The following NR5A1 variants were observed in gnomAD, a reference collection of about 807,000 sequenced individuals.
NR5A1 encodes steroidogenic factor 1.
Under a neutral mutation model 42.7 loss-of-function variants are expected in NR5A1, and 6 were observed. The ratio of observed to expected loss-of-function variants is 0.14; its 90% CI spans 0.08 to 0.28. The LOEUF (loss-of-function observed/expected upper bound fraction) is 0.28. NR5A1 is among the 10% of genes least tolerant of loss of function. The pLI is 1.00. For synonymous variants in NR5A1, 274 were observed against 277.5 expected (o/e 0.99, Z 0.12); for missense variants, 442 against 626.4 (o/e 0.71, Z 3.14).
At position 124,493,015 on chromosome 9, in the gene NR5A1, C is replaced by CG; in HGVS notation, c.990+14dup. On this transcript the variant is annotated intron_variant, in intron 5 of 6. Coordinates refer to ENST00000373588, the MANE Select transcript of NR5A1 (RefSeq NM_004959.5). The stretch of plus-strand genomic sequence containing the variant: ...CCAGGGCGGGGCCCAGGGGCGGGGC[C>CG]GAGGGACTGGTCACCTCCTGCCCGG... 1 of 1,576,474 alleles carries CG rather than the reference C, an allele frequency of 6.3e-7. No individual in the cohort carries two copies.
In NR5A1 at chr9:124,497,791, C is replaced by A. The variant is rs922699276; in HGVS notation, c.870+2299G>T. Among the ~76,000 whole-genome samples, 26 of 152,234 alleles carry A rather than the reference C, an allele frequency of 1.7e-4. 1 individual carries two copies. Among genetic ancestry groups the A allele is most frequent in the Admixed American group, 1.7e-3 (26 of 15,290 alleles). On this transcript the variant is annotated intron_variant, in intron 4 of 6. Transcript: ENST00000373588. ...CCATTGGAACTCCCGGAACACGATG[C>A]CTCTTCACATTTCGGGACCTTCGCC...
At position 124,500,490 on chromosome 9, in the gene NR5A1, G is replaced by A. The variant is rs1324068281; in HGVS notation, c.470C>T (p.Pro157Leu). 1.2e-5 allele frequency: 20 copies of A among 1,603,212 alleles called. No homozygotes were observed. The highest frequency in any genetic ancestry group is 1.7e-5 in the Non-Finnish European group (20 of 1,177,016). ...CCCAAAGTCGCCCAGTGGCCCAGCAGGTGGACCGGCGGCCAGGCCCTTGGG... is the reference window on the plus strand; with the variant it reads ...CCCAAAGTCGCCCAGTGGCCCAGCAAGTGGACCGGCGGCCAGGCCCTTGGG... ...PEPKGLAAGP[P>L]AGPLGDFGAP... The change falls in exon 4 of 7, where the codon CCT becomes CTT. Residue 157 changes from proline (P) to leucine (L), a missense_variant. Coordinates refer to ENST00000373588, the MANE Select transcript of NR5A1 (RefSeq NM_004959.5). This position sits in a 1 kb window ranked among gnomAD's most constrained non-coding sequence, Gnocchi z 6.9.
rs780568525 is a variant in NR5A1 at position 124,500,248 on chromosome 9, C to T, written c.712G>A (p.Asp238Asn). 58 of 1,600,098 alleles carry T rather than the reference C, an allele frequency of 3.6e-5. No homozygotes were observed. The Middle Eastern group carries it at 1.2e-3, about 32-fold the overall frequency. ...LQLLQLEPDE[D>N]QVRARILGCL... The stretch of plus-strand genomic sequence containing the variant: ...CCCAAGATGCGGGCCCGCACCTGGT[C>T]CTCATCCGGCTCCAGCTGCAGCAGC... Residue 238 changes from aspartate to asparagine, a missense_variant, in exon 4 of 7, where the codon GAC becomes AAC. Transcript: ENST00000373588. This position sits in a 1 kb window ranked among gnomAD's most constrained non-coding sequence, Gnocchi z 6.9.
intron 6 of NR5A1, among the ~76,000 whole-genome samples, chr9:124,489,486 A>G (rs1832270296): frequency 1.3e-5 from 2 of 152,222 alleles, no homozygotes; most frequent in African/African-American, 4.8e-5. Flanking sequence ...CATCGTTTGC[A>G]CATGCCAGCA....
At chr9:124,484,514 G>C (rs1009513532) in intron 6 of NR5A1, among the ~76,000 whole-genome samples, 17 of 152,314 alleles carry the variant, frequency 1.1e-4, no homozygotes, top group South Asian at 4.1e-4. Context: ...AGTTTGGGAG[G>C]CCAAGGTAGG....
intron 6 of NR5A1, among the ~76,000 whole-genome samples, chr9:124,488,700 G>C (rs1832259361): frequency 6.6e-6 from 1 of 152,196 alleles, no homozygotes; most frequent in Admixed American, 6.5e-5. Flanking sequence ...TTACTAGGAG[G>C]GTCACTCTAC....
intron 4 of NR5A1, among the ~76,000 whole-genome samples, 200 bp downstream of exon 4, chr9:124,499,890 A>G (rs920099459): frequency 6.6e-6 from 1 of 152,062 alleles, no homozygotes; most frequent in Non-Finnish European, 1.5e-5. Flanking sequence ...AGGAGGAGAG[A>G]AGGAGAGGGA....
In NR5A1 at chr9:124,482,401, G is replaced by A. The variant is rs1056208474; in HGVS notation, c.*357C>T. 7 of 365,964 alleles carry A rather than the reference G, an allele frequency of 1.9e-5. No homozygotes were observed. The highest frequency in any genetic ancestry group is 4.2e-5 in the African/African-American group (2 of 47,480). 22.7% of individuals were successfully genotyped at this position (365,964 alleles called of 1,614,324 possible). A position where few individuals can be genotyped will look rare whatever the true frequency, so the allele number is the denominator to read the frequency against. On this transcript the variant is annotated 3_prime_UTR_variant, in exon 7 of 7. Transcript: ENST00000373588. ...GATGACCTCTGATCCAAGGGACGTC[G>A]AGGCCCACCAGGGAATCCCGAACCT...
intron 6 of NR5A1, among the ~76,000 whole-genome samples, chr9:124,490,664 C>T (rs1832294050): frequency 6.6e-6 from 1 of 152,102 alleles, no homozygotes; most frequent in African/African-American, 2.4e-5. Flanking sequence ...TTTTTGCTCA[C>T]AGCGGTATTC....
chr9:124,490,966 G>A lies in NR5A1; in HGVS notation c.1138+115C>T, dbSNP rs141764989. The A allele has an allele frequency of 2.2e-4, 290 of 1,347,948 alleles. No homozygotes were observed. In the African/African-American group the frequency reaches 3.4e-3, roughly 16 times the overall value. The allele number at this position is 1,347,948 out of a possible 1,614,324, so 83.5% of individuals were successfully genotyped here. ...AGTAAGGGAGGGGTCCTTTCTCCCC[G>A]AGGCTCCTTCGTGGCCACTCTGGCC... On this transcript the variant is annotated intron_variant, in intron 6 of 6. Transcript: ENST00000373588.
intron 6 of NR5A1, among the ~76,000 whole-genome samples, chr9:124,487,936 G>A (rs1832245133): frequency 6.6e-6 from 1 of 152,174 alleles, no homozygotes; most frequent in Non-Finnish European, 1.5e-5. Flanking sequence ...TTGATAAAAT[G>A]CGAATTTCAT....
intron 6 of NR5A1, among the ~76,000 whole-genome samples, chr9:124,487,642 G>C (rs1457071621): frequency 6.6e-6 from 1 of 152,260 alleles, no homozygotes; most frequent in Non-Finnish European, 1.5e-5. Flanking sequence ...GGTGGGGCAG[G>C]TGGGGGAGCA....
intron 6 of NR5A1, among the ~76,000 whole-genome samples, chr9:124,490,246 C>A (rs1232886514): frequency 6.6e-6 from 1 of 152,248 alleles, no homozygotes; most frequent in East Asian, 1.9e-4. Context: ...GTTCCCTAAG[C>A]CACACCCATC....
chr9:124,483,692 G>T (rs536794652), intron 6 of NR5A1, among the ~76,000 whole-genome samples: 4 of 152,102 alleles, frequency 2.6e-5, no homozygotes, highest in Non-Finnish European at 5.9e-5. Context: ...GTTGCCATCC[G>T]CATCCCCACT....
chr9:124,500,287 C>T lies in NR5A1; in HGVS notation c.673G>A (p.Glu225Lys), dbSNP rs1442877353. Residue 225 changes from glutamate (E) to lysine (K), a missense_variant, in exon 4 of 7, where the codon GAG becomes AAG. This residue lies in a region of NR5A1 where 208 missense variants were observed against 203.8 expected (regional missense o/e 1.02). Transcript: ENST00000373588. This position sits in a 1 kb window ranked among gnomAD's most constrained non-coding sequence, Gnocchi z 6.9. ...AGCTGCAGCAGCTGCAGGATGAGCT[C>T]AGGCACGTTGGGCCCTCCAGAGAAG... ...EPFSGGPNVP[E>K]LILQLLQLEP... The T allele has an allele frequency of 1.9e-6, 3 of 1,572,014 alleles. No individual in the cohort carries two copies. The highest frequency in any genetic ancestry group is 1.7e-6 in the Non-Finnish European group (2 of 1,158,982).
At chr9:124,505,648 TGGGACTC>T (rs1564154764) in intron 1 of NR5A1, among the ~76,000 whole-genome samples, 33 of 152,220 alleles carry the variant, frequency 2.2e-4, no homozygotes, top group Admixed American at 1.0e-3. Context: ...GGGCTGGAAA[TGGGACTC>T]GTGGAAATCC....
chr9:124,491,039 C>CCCCGGGGGGGG, intron 6 of NR5A1, 42 bp downstream of exon 6: 1 of 1,496,960 alleles, frequency 6.7e-7, no homozygotes, highest in Non-Finnish European at 9.0e-7. Flanking sequence ...ACCCACCCGC[C>CCCCGGGGGGGG]TCTGGCTGTC....
chr9:124,493,959 G>C (rs890173727), intron 4 of NR5A1, among the ~76,000 whole-genome samples: 1 of 152,184 alleles, frequency 6.6e-6, no homozygotes, highest in Non-Finnish European at 1.5e-5. Flanking sequence ...CCCGGAAAGG[G>C]CAAGAGACTC....
intron 4 of NR5A1, among the ~76,000 whole-genome samples, chr9:124,499,552 A>G (rs1165518815): frequency 6.6e-6 from 1 of 152,192 alleles, no homozygotes; most frequent in Non-Finnish European, 1.5e-5. Flanking sequence ...TAAAACACTA[A>G]GAGCCCCCAT....
Sources: allele counts gnomAD v4.1 joint callset (sites outside exome capture counted in the v4.1 genomes callset), GRCh38; gene constraint gnomAD v4.1.1; regional missense constraint gnomAD v4.1.1; non-coding constraint Gnocchi (gnomAD v3.1); transcripts MANE v1.5; gene names NCBI Gene and HGNC (gene_info 2026-07-23, HGNC 2026-07-21).